The following KNSTRN variants were observed in gnomAD, a reference collection of about 807,000 sequenced individuals.
KNSTRN encodes small kinetochore-associated protein.
In KNSTRN, 38 loss-of-function variants were observed where a neutral mutation model predicts 44.7. That is an observed-to-expected ratio of 0.85 (90% CI 0.66 to 1.11). The LOEUF (loss-of-function observed/expected upper bound fraction) is 1.11, where lower values mean the gene tolerates loss of function less well. KNSTRN is among the 50% of genes most tolerant of loss of function. The pLI, the probability that KNSTRN is intolerant of heterozygous loss-of-function variation, is 0.00. For synonymous variants in KNSTRN, 158 were observed against 148.1 expected (o/e 1.07, Z -0.48); for missense variants, 406 against 375.8 (o/e 1.08, Z -0.66).
Position 40,386,419 on chromosome 15 carries a change from A to T in KNSTRN, c.362A>T (p.Asp121Val). Reference protein sequence around the residue: ...SLLPVRSKEVDVSKQLHSGGP... With the variant: ...SLLPVRSKEVVVSKQLHSGGP... The stretch of plus-strand genomic sequence containing the variant: ...TTACCTGTTAGGTCCAAAGAAGTCG[A>T]TGTTTCCAAACAGCTTCATTCAGGA... The change falls in exon 3 of 9, where the codon GAT (aspartate) becomes GTT (valine). Residue 121 changes from aspartate to valine, a missense_variant. Coordinates refer to ENST00000249776, the MANE Select transcript of KNSTRN (RefSeq NM_033286.4). 1 of 1,614,140 alleles carries T rather than the reference A, an allele frequency of 6.2e-7. No homozygotes were observed. The highest frequency in any genetic ancestry group is 8.5e-7 in the Non-Finnish European group (1 of 1,180,010).
At chr15:40,386,788 G>A in intron 3 of KNSTRN, 5 of 503,674 alleles carry the variant, frequency 9.9e-6, no homozygotes, top group Admixed American at 6.6e-5. Flanking sequence ...GTCATGCAGG[G>A]TGGGGACTAG....
intron 2 of KNSTRN, 126 bp downstream of exon 2, chr15:40,383,448 C>G (rs779255040): frequency 4.2e-5 from 28 of 669,064 alleles, no homozygotes; most frequent in Non-Finnish European, 6.7e-5. Context: ...CCTGTGAGCC[C>G]CCTATAACCA....
chr15:40,387,269 C>T, intron 4 of KNSTRN, 63 bp downstream of exon 4: 1 of 1,280,644 alleles, frequency 7.8e-7, no homozygotes, highest in Non-Finnish European at 1.1e-6. Context: ...ATCCTTGGTT[C>T]TGCATCAGAA....
At chr15:40,390,627 T>C (rs1889982005) in intron 6 of KNSTRN, among the ~76,000 whole-genome samples, 1 of 152,162 alleles carries the variant, frequency 6.6e-6, no homozygotes, top group Non-Finnish European at 1.5e-5. Flanking sequence ...TTCTTTTTTT[T>C]TTTTTGAGAT....
At chr15:40,386,580 C>A (rs1346429489) in intron 3 of KNSTRN, 86 bp downstream of exon 3, 5 of 1,428,418 alleles carry the variant, frequency 3.5e-6, no homozygotes, top group Non-Finnish European at 4.8e-6. Context: ...TTTTGGACAA[C>A]ACAAGTCTCC....
chr15:40,386,601 G>A, intron 3 of KNSTRN, 107 bp downstream of exon 3: 1 of 1,214,966 alleles, frequency 8.2e-7, no homozygotes, highest in Non-Finnish European at 1.2e-6. Flanking sequence ...TGAACAACTG[G>A]CCTTCAATCA....
At chr15:40,391,899 A>G in intron 7 of KNSTRN, 50 bp from the exon 8 acceptor site, 1 of 1,421,580 alleles carries the variant, frequency 7.0e-7, no homozygotes, top group Middle Eastern at 1.8e-4. Flanking sequence ...ATCTAATGCA[A>G]GTCTGGTTTT....
At chr15:40,383,437 A>G in intron 2 of KNSTRN, 115 bp downstream of exon 2, 1 of 723,786 alleles carries the variant, frequency 1.4e-6, no homozygotes. Flanking sequence ...GGCCCTGAAA[A>G]CCTGTGAGCC....
At position 40,393,533 on chromosome 15, in the gene KNSTRN, G is replaced by A. The variant is rs770205245; in HGVS notation, c.887G>A (p.Cys296Tyr). The A allele has an allele frequency of 1.2e-5, 20 of 1,614,102 alleles. 1 individual carries two copies. In the South Asian group the frequency reaches 1.5e-4, roughly 12 times the overall value. Residue 296 changes from cysteine to tyrosine, a missense_variant, in exon 9 of 9, where the codon TGT becomes TAT. By Grantham distance (194) the Cys-to-Tyr change is radical. Transcript: ENST00000249776. ...RVRFLEQQTL[C>Y]NNQVNDLTTA... is the part of the protein sequence containing the mutation. ...CGATTCCTAGAACAGCAAACCTTAT[G>A]TAACAATCAAGTAAATGATTTAACA...
chr15:40,383,069 CTG>C, intron 1 of KNSTRN, 25 bp downstream of exon 1: 1 of 1,607,298 alleles, frequency 6.2e-7, no homozygotes, highest in Non-Finnish European at 8.5e-7. Context: ...GGGCGAGGGA[CTG>C]GGCTGGATGG....
chr15:40,388,097 C>G (rs942692244), intron 4 of KNSTRN, among the ~76,000 whole-genome samples: 2 of 152,224 alleles, frequency 1.3e-5, no homozygotes, highest in Non-Finnish European at 2.9e-5. Context: ...CTGAGACCAG[C>G]TTGGTCGGGG....
chr15:40,386,111 C>T (rs75278386), intron 2 of KNSTRN, among the ~76,000 whole-genome samples: 13,434 of 152,156 alleles, frequency 0.088, 818 homozygotes, highest in Non-Finnish European at 0.13. Flanking sequence ...GCCTATAGTC[C>T]AGCTACTCGG....
At chr15:40,386,775 G>T (rs1232108690) in intron 3 of KNSTRN, 4 of 508,202 alleles carry the variant, frequency 7.9e-6, no homozygotes, top group African/African-American at 7.7e-5. Flanking sequence ...ACCCTGAGGG[G>T]TAGTCATGCA....
intron 6 of KNSTRN, 38 bp downstream of exon 6, chr15:40,389,967 T>G: frequency 1.3e-6 from 2 of 1,510,630 alleles, no homozygotes; most frequent in Non-Finnish European, 1.8e-6. Context: ...TTTGAAGGAA[T>G]TGGTGCATGT....
intron 4 of KNSTRN, chr15:40,389,187 C>T (rs1348742698): frequency 1.1e-5 from 5 of 467,144 alleles, no homozygotes; most frequent in South Asian, 6.2e-5. Context: ...CTCTTGTTGC[C>T]ACCCAGGCTG....
At chr15:40,391,462 TA>T in intron 6 of KNSTRN, 30 bp from the exon 7 acceptor site, 1 of 1,593,570 alleles carries the variant, frequency 6.3e-7, no homozygotes, top group Non-Finnish European at 8.6e-7. Context: ...TGTAGTTCCC[TA>T]AGTGAGATTG....
At position 40,389,880 on chromosome 15, in the gene KNSTRN, G is replaced by A. The variant is rs776468154; in HGVS notation, c.636G>A (p.Lys212=). The A allele has an allele frequency of 3.7e-6, 6 of 1,614,230 alleles. No homozygotes were observed. In the East Asian group the frequency reaches 8.9e-5, roughly 24 times the overall value. Residue 212 remains lysine, a synonymous_variant, in exon 6 of 9, where the codon AAG becomes AAA. Transcript: ENST00000249776. ...CCCAGAAGGTAGAGCTGCTGGAGAA[G>A]TTTCGGGACAACTGTTTGGCAATTT... is the stretch of plus-strand genomic sequence containing the variant. ...DLTQKVELLE[K]FRDNCLAILE...
intron 6 of KNSTRN, among the ~76,000 whole-genome samples, chr15:40,390,314 C>G (rs1004888392): frequency 1.3e-5 from 2 of 152,216 alleles, no homozygotes; most frequent in Non-Finnish European, 2.9e-5. Flanking sequence ...CATGCTCTTC[C>G]TTTCAAGCAT....
At position 40,393,555 on chromosome 15, in the gene KNSTRN, A is replaced by G; in HGVS notation, c.909A>G (p.Leu303=). 2 of 1,614,146 alleles carry G rather than the reference A, an allele frequency of 1.2e-6. No homozygotes were observed. The highest frequency in any genetic ancestry group is 1.7e-6 in the Non-Finnish European group (2 of 1,180,004). ...QTLCNNQVND[L]TTALKEMEQL... ...TATGTAACAATCAAGTAAATGATTTAACAACAGCCCTTAAGGAAATGGAGC... is the reference window on the plus strand; with the variant it reads ...TATGTAACAATCAAGTAAATGATTTGACAACAGCCCTTAAGGAAATGGAGC... The change falls in exon 9 of 9, where the codon TTA becomes TTG. Residue 303 remains leucine (L), a synonymous_variant. Transcript: ENST00000249776.
Sources: allele counts gnomAD v4.1 joint callset (sites outside exome capture counted in the v4.1 genomes callset), GRCh38; gene constraint gnomAD v4.1.1; transcripts MANE v1.5; gene names NCBI Gene and HGNC (gene_info 2026-07-23, HGNC 2026-07-21).